Variants in CP observed in about 807,000 individuals in gnomAD.
The protein encoded by CP is caeruloplasmin.
CP carries 64 observed loss-of-function variants against 122.4 expected under a neutral mutation model. That is an observed-to-expected ratio of 0.52 (90% CI 0.43 to 0.64). The LOEUF (loss-of-function observed/expected upper bound fraction) is 0.64. CP is among the 30% of genes least tolerant of loss of function. CP has a pLI of 0.00. For missense variants in CP, 1,167 were observed against 1,284.4 expected (o/e 0.91, Z 1.40); for synonymous variants, 440 against 436.4 (o/e 1.01, Z -0.10).
chr3:149,186,670 C>T lies in CP; in HGVS notation c.1927G>A (p.Val643Met), dbSNP rs143775161. The T allele has an allele frequency of 9.0e-5, 145 of 1,614,042 alleles. No individual in the cohort carries two copies. Among genetic ancestry groups the T allele is most frequent in the Non-Finnish European group, 1.1e-4 (131 of 1,180,024 alleles). Residue 643 changes from valine to methionine, a missense_variant, in exon 11 of 19, where the codon GTG becomes ATG. Physicochemically the swap from Val to Met is conservative, Grantham distance 21 (BLOSUM62 1). Coordinates refer to ENST00000264613, the MANE Select transcript of CP (RefSeq NM_000096.4). ...GLTMCKGDSV[V>M]WYLFSAGNEA... ...TTTCCGGCGCTGAATAAGTACCACA[C>T]GACCGAATCTCCTTTGCACATAGTG...
intron 11 of CP, 194 bp downstream of exon 11, chr3:149,186,326 A>G: frequency 3.2e-6 from 2 of 623,474 alleles, no homozygotes; most frequent in Admixed American, 2.6e-5. Context: ...CATTGTCCTC[A>G]GTAACTAGGA....
At chr3:149,190,470 C>A (rs1726469455) in intron 9 of CP, among the ~76,000 whole-genome samples, 1 of 152,024 alleles carries the variant, frequency 6.6e-6, no homozygotes, top group Non-Finnish European at 1.5e-5. Context: ...CCAGCCTGGC[C>A]AACATGGTGA....
intron 6 of CP, among the ~76,000 whole-genome samples, chr3:149,203,908 A>G (rs1243984720): frequency 1.3e-5 from 2 of 152,196 alleles, no homozygotes; most frequent in Non-Finnish European, 2.9e-5. Flanking sequence ...GGGAAAGTGC[A>G]GTGAAGAGGC....
At chr3:149,172,399 G>A (rs550087221), downstream of CP, 1 of 557,238 alleles carries the variant, frequency 1.8e-6, no homozygotes, top group East Asian at 3.1e-5. Flanking sequence ...TTACCGTGTA[G>A]TGGTAACTAT....
intron 6 of CP, among the ~76,000 whole-genome samples, chr3:149,203,664 A>G (rs1727504051): frequency 6.6e-6 from 1 of 152,232 alleles, no homozygotes; most frequent in African/African-American, 2.4e-5. Flanking sequence ...CAGAAAGGTA[A>G]TTATTTGACT....
chr3:149,186,168 T>G, intron 11 of CP: 1 of 344,688 alleles, frequency 2.9e-6, no homozygotes, highest in Non-Finnish European at 5.5e-6. Flanking sequence ...AGAGACATGA[T>G]GAAAAGTTTA....
intron 5 of CP, 151 bp from the exon 6 acceptor site, chr3:149,206,490 AAATT>A: frequency 1.1e-6 from 1 of 903,070 alleles, no homozygotes; most frequent in Middle Eastern, 2.2e-4. Flanking sequence ...AGCTGTAAAT[AAATT>A]AATGATGGAA....
chr3:149,169,098 A>G (rs1483378399), downstream of CP, among the ~76,000 whole-genome samples: 2 of 151,902 alleles, frequency 1.3e-5, no homozygotes, highest in Admixed American at 1.3e-4. Context: ...ATTTACCTTT[A>G]TTAGACTGTA....
At chr3:149,217,881 T>C (rs1328281592) in intron 1 of CP, 1 of 451,688 alleles carries the variant, frequency 2.2e-6, no homozygotes, top group Non-Finnish European at 4.5e-6. Context: ...GGTGGAATGT[T>C]CTTTGTTGTC....
chr3:149,175,957 T>C, intron 18 of CP: 1 of 330,142 alleles, frequency 3.0e-6, no homozygotes. Context: ...GTTTGTTTCT[T>C]GGTAAATAAC....
downstream of CP, among the ~76,000 whole-genome samples, chr3:149,171,936 ACCT>A (rs1165024081): frequency 6.6e-6 from 1 of 151,826 alleles, no homozygotes; most frequent in Non-Finnish European, 1.5e-5. Flanking sequence ...TGAACTCCTG[ACCT>A]CGTGATCTGC....
At chr3:149,199,953 G>T in intron 7 of CP, 89 bp from the exon 8 acceptor site, 2 of 1,361,532 alleles carry the variant, frequency 1.5e-6, no homozygotes, top group Non-Finnish European at 2.1e-6. Context: ...GTGTTCTCTG[G>T]CAAGAACTAC....
downstream of CP, chr3:149,172,127 C>A: frequency 6.2e-7 from 1 of 1,612,942 alleles, no homozygotes; most frequent in South Asian, 1.1e-5. Context: ...GGAACTAGAA[C>A]TGAAGGATTT....
At position 149,179,378 on chromosome 3, in the gene CP, G is replaced by A. The variant is rs561349293; in HGVS notation, c.2661+178C>T. ...TTTGAGCTGTATCATATTAGGAAAT[G>A]TTAGATTTTTGTCTTGTGTGTCATA... On this transcript the variant is annotated intron_variant, in intron 15 of 18. Transcript: ENST00000264613. 3.3e-5 allele frequency among the ~76,000 whole-genome samples: 5 copies of A among 152,282 alleles called. No homozygotes were observed. In the East Asian group the frequency reaches 9.6e-4, roughly 29 times the overall value.
Position 149,179,667 on chromosome 3 carries a change from A to T in CP, c.2555-5T>A, listed in dbSNP as rs1441163960. On this transcript the variant is annotated splice_region_variant and splice_polypyrimidine_tract_variant and intron_variant, in intron 14 of 18. Coordinates refer to ENST00000264613, the MANE Select transcript of CP (RefSeq NM_000096.4). Reference sequence around the variant, plus strand: ...ATACGTAAGTGAGAGTTTCACCTAAATTCATCAAGTGTTAATGGATCTGGT... The same window carrying T: ...ATACGTAAGTGAGAGTTTCACCTAATTTCATCAAGTGTTAATGGATCTGGT... 5.6e-6 allele frequency: 9 copies of T among 1,601,324 alleles called. No homozygotes were observed. Among genetic ancestry groups the T allele is most frequent in the Non-Finnish European group, 7.7e-6 (9 of 1,169,044 alleles).
chr3:149,162,997 T>C (rs1724042540), intron 5 of CP: 1 of 863,168 alleles, frequency 1.2e-6, no homozygotes, highest in Admixed American at 2.1e-5. Context: ...AGGTATCTTA[T>C]TTATGCAGGA....
intron 1 of CP, among the ~76,000 whole-genome samples, chr3:149,217,545 G>A (rs1053885232): frequency 2.2e-4 from 34 of 152,226 alleles, no homozygotes; most frequent in African/African-American, 7.2e-5. Context: ...CTGAGAATAC[G>A]TTATAAAAGT....
intron 9 of CP, among the ~76,000 whole-genome samples, chr3:149,195,342 T>C (rs914833456): frequency 1.3e-5 from 2 of 152,220 alleles, no homozygotes; most frequent in East Asian, 1.9e-4. Flanking sequence ...CACAAAGGTA[T>C]GCTGGCAAAA....
chr3:149,178,441 T>G lies in CP; in HGVS notation c.2852A>C (p.Glu951Ala), dbSNP rs1009948576. 1 of 1,611,224 alleles carries G rather than the reference T, an allele frequency of 6.2e-7. No homozygotes were observed. Among genetic ancestry groups the G allele is most frequent in the South Asian group, 1.1e-5 (1 of 90,990 alleles). ...HPEKVNKDDE[E>A]FIESNKMHAI... ...ATGCATTTTATTGCTTTCTATGAAT[T>G]CCTCATCATCTTTGTTTACTTTCTC... The change falls in exon 16 of 19, where the codon GAA becomes GCA. Residue 951 changes from glutamate to alanine, a missense_variant. Transcript: ENST00000264613.
Sources: gnomAD v4.1 joint callset for allele counts (sites outside exome capture counted in the v4.1 genomes callset) on GRCh38, gnomAD v4.1.1 for gene constraint, MANE v1.5 for transcripts, NCBI Gene and HGNC (gene_info 2026-07-23, HGNC 2026-07-21) for gene names.